Variants in PTPRN2 observed in about 807,000 individuals in gnomAD.
PTPRN2 encodes the protein receptor-type tyrosine-protein phosphatase N2.
A neutral mutation model predicts 118.8 loss-of-function variants in PTPRN2; 74 were observed. The observed-to-expected ratio is 0.62, with a 90% CI of 0.52 to 0.76. The LOEUF (loss-of-function observed/expected upper bound fraction) is 0.76. Ranked by LOEUF, PTPRN2 falls within the 30% of genes least tolerant of loss-of-function variation. The pLI, the probability that PTPRN2 is intolerant of heterozygous loss-of-function variation, is 0.00. For missense variants in PTPRN2, 1,481 were observed against 1,394.4 expected (o/e 1.06, Z -0.99); for synonymous variants, 641 against 608.0 (o/e 1.05, Z -0.80).
intron 12 of PTPRN2, among the ~76,000 whole-genome samples, chr7:157,744,020 G>A (rs1035788354): frequency 3.9e-5 from 6 of 152,216 alleles, no homozygotes; most frequent in African/African-American, 9.6e-5. Flanking sequence ...GACGTGCTCC[G>A]GGGCACGACT....
chr7:157,553,556 G>T (rs1280921047), intron 21 of PTPRN2, among the ~76,000 whole-genome samples: 1 of 152,192 alleles, frequency 6.6e-6, no homozygotes. Flanking sequence ...GCTGTGGTTT[G>T]TGAGGAAAAG....
chr7:158,516,085 G>A lies in PTPRN2; in HGVS notation c.113-26300C>T, dbSNP rs144623997. Among the ~76,000 whole-genome samples the A allele has an allele frequency of 8.8e-3, 1,347 of 152,222 alleles. 18 individuals are homozygous for A. The highest frequency in any genetic ancestry group is 0.031 in the African/African-American group (1,271 of 41,530). Reference sequence around the variant, plus strand: ...CTCTCTGGGCTTCTCCCCACGCCCCGGCCGCCTGGCCATCTCTTGCCTCAA... The same window carrying A: ...CTCTCTGGGCTTCTCCCCACGCCCCAGCCGCCTGGCCATCTCTTGCCTCAA... On this transcript the variant is annotated intron_variant, in intron 1 of 22. Coordinates refer to ENST00000389418, the MANE Select transcript of PTPRN2 (RefSeq NM_002847.5).
chr7:157,852,337 G>A (rs978194395), intron 12 of PTPRN2, among the ~76,000 whole-genome samples: 1 of 152,148 alleles, frequency 6.6e-6, no homozygotes, highest in African/African-American at 2.4e-5. Context: ...AAAGTAGAAT[G>A]AGGTTCACTT....
At chr7:157,793,165 C>T (rs553569115) in intron 12 of PTPRN2, among the ~76,000 whole-genome samples, 84 of 152,180 alleles carry the variant, frequency 5.5e-4, no homozygotes, top group African/African-American at 1.7e-3. Context: ...CTGCCCAGGA[C>T]GGGCTCAGGC....
In PTPRN2 at chr7:158,574,991, T is replaced by C. The variant is rs1277784361; in HGVS notation, c.112+12567A>G. Among the ~76,000 whole-genome samples the C allele has an allele frequency of 6.6e-6, 1 of 152,254 alleles. No individual in the cohort carries two copies. Among genetic ancestry groups the C allele is most frequent in the Non-Finnish European group, 1.5e-5 (1 of 68,040 alleles). ...GGCTGCAAATTAAAACAGACTTCCA[T>C]CCTTTCTTCAAAGGACATATTTTTC... On this transcript the variant is annotated intron_variant, in intron 1 of 22. Transcript: ENST00000389418. The surrounding 1 kb of genome is among the most constrained non-coding windows in gnomAD (Gnocchi z 4.6).
intron 12 of PTPRN2, among the ~76,000 whole-genome samples, chr7:157,786,023 C>T (rs1449021645): frequency 6.6e-6 from 1 of 152,160 alleles, no homozygotes; most frequent in Non-Finnish European, 1.5e-5. Context: ...AAGTGCCAGG[C>T]CCCTGCTGTT....
chr7:158,183,560 A>G (rs1412629755), intron 5 of PTPRN2, among the ~76,000 whole-genome samples: 1 of 152,256 alleles, frequency 6.6e-6, no homozygotes, highest in Non-Finnish European at 1.5e-5. Flanking sequence ...CCTGTGAGGC[A>G]GAATGGCTTC....
intron 6 of PTPRN2, among the ~76,000 whole-genome samples, chr7:158,146,617 A>C (rs1309325449): frequency 6.7e-6 from 1 of 149,942 alleles, no homozygotes; most frequent in Admixed American, 6.7e-5. Context: ...GCTACTCAGG[A>C]GCCTGAGGCA....
At chr7:157,745,781 C>G (rs1451429950) in intron 12 of PTPRN2, among the ~76,000 whole-genome samples, 1 of 152,160 alleles carries the variant, frequency 6.6e-6, no homozygotes, top group East Asian at 1.9e-4. Flanking sequence ...CTGGTTCCTA[C>G]CCATTTCCAG....
At chr7:157,749,459 C>T (rs1350208390) in intron 12 of PTPRN2, among the ~76,000 whole-genome samples, 1 of 144,146 alleles carries the variant, frequency 6.9e-6, no homozygotes, top group Non-Finnish European at 1.5e-5. Flanking sequence ...ATTCTGTGGC[C>T]TGTGTCCCTG....
chr7:158,124,340 G>A (rs935978894), intron 9 of PTPRN2, among the ~76,000 whole-genome samples: 1 of 152,228 alleles, frequency 6.6e-6, no homozygotes, highest in African/African-American at 2.4e-5. Context: ...CTGGTTTACA[G>A]ATGGTTCTGC....
At chr7:158,247,031 G>A (rs1368185923) in intron 3 of PTPRN2, among the ~76,000 whole-genome samples, 3 of 152,204 alleles carry the variant, frequency 2.0e-5, no homozygotes, top group African/African-American at 7.2e-5. Context: ...CCTGGGCTGG[G>A]AGACATGTGT....
intron 3 of PTPRN2, among the ~76,000 whole-genome samples, chr7:158,257,725 G>A (rs958871525): frequency 4.6e-5 from 7 of 152,216 alleles, no homozygotes; most frequent in Admixed American, 6.5e-5. Context: ...GACCTGCGGC[G>A]GTGACTGCCC....
intron 12 of PTPRN2, among the ~76,000 whole-genome samples, chr7:157,849,121 CGGCCG>C (rs1223431075): frequency 6.6e-6 from 1 of 152,218 alleles, no homozygotes; most frequent in Non-Finnish European, 1.5e-5. Context: ...CAGTTCCCAC[CGGCCG>C]GGCTGACGCT....
At chr7:157,685,588 G>C (rs1051101741) in intron 12 of PTPRN2, among the ~76,000 whole-genome samples, 2 of 151,954 alleles carry the variant, frequency 1.3e-5, no homozygotes, top group African/African-American at 4.8e-5. Context: ...GTCTGCGGGC[G>C]GCAGGAGGGA....
In PTPRN2 at chr7:157,550,715, A is replaced by C. The variant is rs1798556533; in HGVS notation, c.2903-1696T>G. 6.6e-6 allele frequency among the ~76,000 whole-genome samples: 1 copy of C among 152,166 alleles called. No individual in the cohort carries two copies. Among genetic ancestry groups the C allele is most frequent in the South Asian group, 2.1e-4 (1 of 4,832 alleles). ...AACACCATGAGGGCCACCACCTTTT[A>C]AGCCAGAGCCTCTGCAGGCATAAAA... On this transcript the variant is annotated intron_variant, in intron 21 of 22. Coordinates refer to ENST00000389418, the MANE Select transcript of PTPRN2 (RefSeq NM_002847.5). The surrounding 1 kb of genome is among the most constrained non-coding windows in gnomAD (Gnocchi z 5.2).
rs560443065 is a variant in PTPRN2 at position 157,751,148 on chromosome 7, G to T, written c.1789-68211C>A. 8.7e-4 allele frequency among the ~76,000 whole-genome samples: 132 copies of T among 152,300 alleles called. 1 individual carries two copies. Among genetic ancestry groups the T allele is most frequent in the African/African-American group, 3.1e-3 (129 of 41,580 alleles). On this transcript the variant is annotated intron_variant, in intron 12 of 22. Coordinates refer to ENST00000389418, the MANE Select transcript of PTPRN2 (RefSeq NM_002847.5). ...TAGTAGGCTGGGGGGACCTGCAGCC[G>T]CAGGACCAAGGGATTGATTTCTTTC...
At chr7:158,043,635 G>A (rs998526836) in intron 11 of PTPRN2, among the ~76,000 whole-genome samples, 6 of 152,238 alleles carry the variant, frequency 3.9e-5, no homozygotes, top group Non-Finnish European at 7.3e-5. Context: ...CTGCAAGGCC[G>A]TCTGCATTAA....
chr7:158,080,241 A>G (rs964574302), intron 11 of PTPRN2, among the ~76,000 whole-genome samples: 2 of 150,208 alleles, frequency 1.3e-5, no homozygotes, highest in African/African-American at 2.5e-5. Flanking sequence ...ACGAGAACTA[A>G]GTATTGAAAT....
Sources: gnomAD v4.1 joint callset for allele counts (sites outside exome capture counted in the v4.1 genomes callset) on GRCh38, gnomAD v4.1.1 for gene constraint, Gnocchi (gnomAD v3.1) non-coding constraint, MANE v1.5 for transcripts, NCBI Gene and HGNC (gene_info 2026-07-23, HGNC 2026-07-21) for gene names.